Variants in PPP4R2 observed in about 807,000 individuals in gnomAD.
The protein encoded by PPP4R2 is protein phosphatase 4 regulatory subunit 2, also known as serine/threonine-protein phosphatase 4 regulatory subunit 2.
Under a neutral mutation model 47.2 loss-of-function variants are expected in PPP4R2, and 13 were observed. The observed-to-expected ratio is 0.28, with a 90% CI of 0.18 to 0.44. The LOEUF (loss-of-function observed/expected upper bound fraction) is 0.44, where lower values mean the gene tolerates loss of function less well. Among genes scored for constraint, PPP4R2 ranks in the 20% least tolerant of loss-of-function variants. The pLI is 1.00. For synonymous variants in PPP4R2, 151 were observed against 163.3 expected, an observed-to-expected ratio of 0.92 and a Z score of 0.57; for missense variants, 421 against 491.2, an observed-to-expected ratio of 0.86 and a Z score of 1.35.
intron 5 of PPP4R2, chr3:73,063,226 C>G (rs75091432): frequency 2.9e-6 from 1 of 339,294 alleles, no homozygotes; most frequent in East Asian, 8.8e-5. Context: ...CCCTTTGCTT[C>G]AAATGGCATC....
At chr3:73,039,253 A>G (rs925004559) in intron 2 of PPP4R2, among the ~76,000 whole-genome samples, 2 of 152,092 alleles carry the variant, frequency 1.3e-5, no homozygotes, top group African/African-American at 4.8e-5. Flanking sequence ...CCTCCTGAGT[A>G]GCTGGGATTA....
intron 3 of PPP4R2, among the ~76,000 whole-genome samples, chr3:73,055,555 A>AT (rs1158906855): frequency 1.3e-5 from 2 of 151,780 alleles, no homozygotes; most frequent in East Asian, 3.9e-4. Context: ...GTTTTAAAAA[A>AT]TTTGAGATGC....
chr3:73,066,239 C>CATACATATATATATATATAT lies in PPP4R2; in HGVS notation c.*520_*521insCATATATATATATATATATA, dbSNP rs1553652539. On this transcript the variant is annotated 3_prime_UTR_variant, in exon 9 of 9. Transcript: ENST00000356692. ...TGGAACTTTAAGTCATATATACATA[C>CATACATATATATATATATAT]ATATATATATATATATATATATAAT... The CATACATATATATATATATAT allele has an allele frequency of 1.1e-3, 152 of 134,092 alleles. 3 individuals are homozygous for CATACATATATATATATATAT. Among genetic ancestry groups the CATACATATATATATATATAT allele is most frequent in the Admixed American group, 4.9e-3 (64 of 13,146 alleles). The allele number at this position is 134,092 out of a possible 1,614,324, so 8.3% of individuals were successfully genotyped here.
chr3:73,007,035 G>A (rs975765433), intron 2 of PPP4R2, among the ~76,000 whole-genome samples: 1 of 152,144 alleles, frequency 6.6e-6, no homozygotes, highest in Non-Finnish European at 1.5e-5. Flanking sequence ...CAGCCATAAG[G>A]TTTTAGAGAG....
At chr3:72,998,049 T>A (rs1559542847) in intron 1 of PPP4R2, 28 bp from the exon 2 acceptor site, 1 of 1,524,632 alleles carries the variant, frequency 6.6e-7, no homozygotes, top group Admixed American at 1.7e-5. Context: ...AGAAAACTGA[T>A]AACGTTTTTT....
At chr3:73,003,918 T>A (rs1701538699) in intron 2 of PPP4R2, among the ~76,000 whole-genome samples, 1 of 152,214 alleles carries the variant, frequency 6.6e-6, no homozygotes, top group Admixed American at 6.5e-5. Flanking sequence ...TGGGCTGGTC[T>A]CGAACTCCTG....
At chr3:73,061,966 T>C in intron 5 of PPP4R2, 1 of 672,378 alleles carries the variant, frequency 1.5e-6, no homozygotes, top group Middle Eastern at 4.2e-4. Flanking sequence ...ACTATTAAAA[T>C]GTATACATGA....
chr3:73,044,349 G>A (rs143502353), intron 2 of PPP4R2, among the ~76,000 whole-genome samples: 1 of 152,228 alleles, frequency 6.6e-6, no homozygotes, highest in Non-Finnish European at 1.5e-5. Flanking sequence ...CACTTTGGGA[G>A]GCTGAGGTGG....
Position 72,997,010 on chromosome 3 carries a change from C to T in PPP4R2, c.-28C>T, listed in dbSNP as rs1575830096. ...TCCCCAAGAGACCCGCGGAGGGAGG[C>T]GGAGGCTGTGAGGGACTCCGGGAAG... On this transcript the variant is annotated 5_prime_UTR_variant, in exon 1 of 9. Coordinates refer to ENST00000356692, the MANE Select transcript of PPP4R2 (RefSeq NM_174907.4). The T allele has an allele frequency of 5.1e-6, 7 of 1,369,132 alleles. No individual in the cohort carries two copies. Among genetic ancestry groups the T allele is most frequent in the Admixed American group, 5.7e-5 (2 of 35,220 alleles). 84.8% of individuals were successfully genotyped at this position (1,369,132 alleles called of 1,614,324 possible). A position where few individuals can be genotyped will look rare whatever the true frequency, so the allele number is the denominator to read the frequency against.
At chr3:73,058,960 A>T in intron 3 of PPP4R2, 77 bp from the exon 4 acceptor site, 1 of 877,586 alleles carries the variant, frequency 1.1e-6, no homozygotes, top group African/African-American at 1.7e-5. Flanking sequence ...ATACAGCTTT[A>T]CCTAGCAAAA....
chr3:73,003,868 T>C (rs1701537656), intron 2 of PPP4R2, among the ~76,000 whole-genome samples: 1 of 152,098 alleles, frequency 6.6e-6, no homozygotes, highest in Non-Finnish European at 1.5e-5. Flanking sequence ...CCGGCTACTT[T>C]TTTGTATTTT....
At chr3:73,045,939 G>C (rs989664722) in intron 2 of PPP4R2, among the ~76,000 whole-genome samples, 2 of 152,162 alleles carry the variant, frequency 1.3e-5, no homozygotes, top group Non-Finnish European at 2.9e-5. Flanking sequence ...ATACCTCTTT[G>C]ATATGCAGCA....
At chr3:73,022,541 T>G (rs577183080) in intron 2 of PPP4R2, among the ~76,000 whole-genome samples, 7 of 152,318 alleles carry the variant, frequency 4.6e-5, no homozygotes, top group South Asian at 2.1e-4. Context: ...AATTGAAATT[T>G]AAATTTTTTC....
At chr3:73,004,921 GTT>G (rs1491455462) in intron 2 of PPP4R2, among the ~76,000 whole-genome samples, 223 of 109,844 alleles carry the variant, frequency 2.0e-3, no homozygotes, top group African/African-American at 8.5e-3. Flanking sequence ...ATGTGTGTGT[GTT>G]TGTGTGTTTT....
intron 2 of PPP4R2, among the ~76,000 whole-genome samples, chr3:73,042,214 A>G (rs1051046222): frequency 3.9e-5 from 6 of 152,142 alleles, no homozygotes; most frequent in Non-Finnish European, 7.4e-5. Flanking sequence ...TCTTTTTAGA[A>G]TAATTTGATT....
At chr3:73,048,901 G>T (rs3732440) in intron 3 of PPP4R2, among the ~76,000 whole-genome samples, 80,132 of 151,898 alleles carry the variant, frequency 0.53, 21,486 homozygotes, top group African/African-American at 0.62. Context: ...GCCTTGACTT[G>T]GGGTCTGTTA....
At chr3:73,041,070 G>GA (rs777463187) in intron 2 of PPP4R2, among the ~76,000 whole-genome samples, 3 of 152,086 alleles carry the variant, frequency 2.0e-5, no homozygotes, top group Non-Finnish European at 2.9e-5. Flanking sequence ...AATGTAATCA[G>GA]AAAAAACACA....
chr3:73,062,676 G>T (rs538831911), intron 5 of PPP4R2: 1 of 1,613,974 alleles, frequency 6.2e-7, no homozygotes, highest in African/African-American at 1.3e-5. Context: ...TGGATCAAGT[G>T]ATAAGATTTG....
intron 2 of PPP4R2, 88 bp downstream of exon 2, chr3:72,998,246 TTAAA>T (rs1254560491): frequency 5.2e-5 from 42 of 807,004 alleles, no homozygotes; most frequent in East Asian, 4.9e-4. Flanking sequence ...TTTGGGATAA[TTAAA>T]TAATTCATTC....
Sources: allele counts gnomAD v4.1 joint callset (sites outside exome capture counted in the v4.1 genomes callset), GRCh38; gene constraint gnomAD v4.1.1; transcripts MANE v1.5; gene names NCBI Gene and HGNC (gene_info 2026-07-23, HGNC 2026-07-21).